The following UNC5D variants were observed in gnomAD, a reference collection of about 807,000 sequenced individuals.
The protein encoded by UNC5D is netrin receptor UNC5D.
In UNC5D, 39 loss-of-function variants were observed where a neutral mutation model predicts 105.4. The ratio of observed to expected loss-of-function variants is 0.37; its 90% confidence interval spans 0.29 to 0.48. The LOEUF is 0.48. Among genes scored for constraint, UNC5D ranks in the 20% least tolerant of loss-of-function variants. The pLI, the probability that UNC5D is intolerant of heterozygous loss-of-function variation, is 0.98. For synonymous variants in UNC5D, 452 were observed against 450.4 expected, an observed-to-expected ratio of 1.00 and a Z score of -0.04; for missense variants, 991 against 1,202.4, an observed-to-expected ratio of 0.82 and a Z score of 2.60.
At chr8:35,677,817 TAA>T (rs1825354653) in intron 4 of UNC5D, among the ~76,000 whole-genome samples, 1 of 152,034 alleles carries the variant, frequency 6.6e-6, no homozygotes, top group African/African-American at 2.4e-5. Context: ...TGTATATATG[TAA>T]AAAGTTATTT....
chr8:35,635,549 C>T (rs1311585190), intron 4 of UNC5D, among the ~76,000 whole-genome samples: 1 of 152,096 alleles, frequency 6.6e-6, no homozygotes, highest in African/African-American at 2.4e-5. Flanking sequence ...CATGATAATG[C>T]TCCTTCGTTG....
In UNC5D at chr8:35,629,851, G is replaced by A. The variant is rs183995693; in HGVS notation, c.570+34194G>A. Among the ~76,000 whole-genome samples, 11 of 152,230 alleles carry A rather than the reference G, an allele frequency of 7.2e-5. No individual in the cohort carries two copies. The East Asian group carries it at 1.2e-3, about 16-fold the overall frequency. ...TTAAATTATCCCCCCACCCCAGGTC[G>A]TAAAAGTATTGAGATCACTATAAAT... On this transcript the variant is annotated intron_variant, in intron 4 of 16. Transcript: ENST00000404895.
At chr8:35,690,797 A>G (rs950498801) in intron 7 of UNC5D, among the ~76,000 whole-genome samples, 2 of 152,234 alleles carry the variant, frequency 1.3e-5, no homozygotes, top group African/African-American at 4.8e-5. Context: ...TTTGATTAAA[A>G]TAGCATTTGG....
At chr8:35,783,969 T>C in intron 16 of UNC5D, among the ~76,000 whole-genome samples, 1 of 152,204 alleles carries the variant, frequency 6.6e-6, no homozygotes, top group Non-Finnish European at 1.5e-5. Context: ...AGATGTATTC[T>C]GAAAATTAAG....
intron 10 of UNC5D, among the ~76,000 whole-genome samples, chr8:35,729,162 T>A (rs1388472240): frequency 1.3e-5 from 2 of 152,204 alleles, no homozygotes; most frequent in Non-Finnish European, 2.9e-5. Flanking sequence ...GTATTCTGAA[T>A]AATGTTTCAA....
chr8:35,313,996 G>A (rs1191496497), intron 1 of UNC5D, among the ~76,000 whole-genome samples: 1 of 152,066 alleles, frequency 6.6e-6, no homozygotes, highest in Non-Finnish European at 1.5e-5. Context: ...TCAGGAGAAT[G>A]GAAATGTTGT....
At chr8:35,676,688 C>T (rs1305094691) in intron 4 of UNC5D, among the ~76,000 whole-genome samples, 3 of 152,142 alleles carry the variant, frequency 2.0e-5, no homozygotes, top group Non-Finnish European at 2.9e-5. Flanking sequence ...ATGTGCTTGC[C>T]AGTCATTTCC....
intron 4 of UNC5D, among the ~76,000 whole-genome samples, chr8:35,629,226 T>C (rs558200048): frequency 6.6e-6 from 1 of 152,310 alleles, no homozygotes; most frequent in South Asian, 2.1e-4. Context: ...AAATTGTTCA[T>C]AATATCCATC....
In UNC5D at chr8:35,539,464, T is replaced by C. The variant is rs181403593; in HGVS notation, c.104-9828T>C. ...TCTCAATAGATAATAACACAAAAGT[T>C]AGTTGTCAATTTAATATTTCATGTT... is the stretch of plus-strand genomic sequence containing the variant. On this transcript the variant is annotated intron_variant, in intron 1 of 16. Coordinates refer to ENST00000404895, the MANE Select transcript of UNC5D (RefSeq NM_080872.4). 4.4e-3 allele frequency among the ~76,000 whole-genome samples: 670 copies of C among 152,304 alleles called. 2 individuals are homozygous for C. The highest frequency in any genetic ancestry group is 7.4e-3 in the Non-Finnish European group (502 of 68,022).
intron 1 of UNC5D, among the ~76,000 whole-genome samples, chr8:35,467,160 C>T (rs548287962): frequency 5.3e-5 from 8 of 152,216 alleles, no homozygotes; most frequent in Admixed American, 4.6e-4. Context: ...AATTCGTACT[C>T]CCTCACAGTT....
chr8:35,589,832 C>CT (rs1819045207), intron 3 of UNC5D, among the ~76,000 whole-genome samples: 1 of 152,108 alleles, frequency 6.6e-6, no homozygotes, highest in African/African-American at 2.4e-5. Context: ...CATCAATATT[C>CT]TTTCCTTTTT....
In UNC5D at chr8:35,419,367, G is replaced by A. The variant is rs150509895; in HGVS notation, c.104-129925G>A. ...TGGCCAAGCAGGCTGCACTCAGCTCGCACTACCAGCCCAGATTCCGTGCCT... is the reference window on the plus strand; with the variant it reads ...TGGCCAAGCAGGCTGCACTCAGCTCACACTACCAGCCCAGATTCCGTGCCT... On this transcript the variant is annotated intron_variant, in intron 1 of 16. Transcript: ENST00000404895. Among the ~76,000 whole-genome samples, 146 of 152,262 alleles carry A rather than the reference G, an allele frequency of 9.6e-4. 2 individuals are homozygous for A. In the East Asian group the frequency reaches 0.02, roughly 20 times the overall value.
intron 1 of UNC5D, among the ~76,000 whole-genome samples, chr8:35,248,972 T>C (rs1178254627): frequency 1.1e-5 from 1 of 89,106 alleles, no homozygotes; most frequent in African/African-American, 4.7e-5. Context: ...ATATATATTA[T>C]ATATTTTTAT....
At chr8:35,331,652 T>C (rs1810641191) in intron 1 of UNC5D, among the ~76,000 whole-genome samples, 2 of 152,152 alleles carry the variant, frequency 1.3e-5, no homozygotes, top group Admixed American at 1.3e-4. Flanking sequence ...AGAAATCTTT[T>C]TAATGTTTCT....
intron 1 of UNC5D, among the ~76,000 whole-genome samples, chr8:35,393,369 G>A (rs904668794): frequency 4.3e-4 from 65 of 151,714 alleles, no homozygotes; most frequent in Non-Finnish European, 6.9e-4. Context: ...TCCTGACCTC[G>A]TGATCCGCCC....
At chr8:35,762,085 A>G (rs1454120752) in intron 14 of UNC5D, among the ~76,000 whole-genome samples, 1 of 152,156 alleles carries the variant, frequency 6.6e-6, no homozygotes, top group Non-Finnish European at 1.5e-5. Context: ...ACTTCAAATC[A>G]GGAATCTGGG....
In UNC5D at chr8:35,795,674, C is replaced by G. The variant is rs1803227254; in HGVS notation, c.*5111C>G. The G allele has an allele frequency of 6.6e-6, 1 of 152,158 alleles. No individual in the cohort carries two copies. Among genetic ancestry groups the G allele is most frequent in the Non-Finnish European group, 1.5e-5 (1 of 68,030 alleles). 9.4% of individuals were successfully genotyped at this position (152,158 alleles called of 1,614,324 possible). ...TCAGCAGAGGGTAACTGAAAACTTT[C>G]AATCAGAAACACTCTCCAAGGCTTA... On this transcript the variant is annotated 3_prime_UTR_variant, in exon 17 of 17. Coordinates refer to ENST00000404895, the MANE Select transcript of UNC5D (RefSeq NM_080872.4).
At chr8:35,491,879 T>C (rs146662407) in intron 1 of UNC5D, among the ~76,000 whole-genome samples, 106 of 152,304 alleles carry the variant, frequency 7.0e-4, no homozygotes, top group African/African-American at 2.5e-3. Flanking sequence ...TGCAATTAGC[T>C]TATGTGAGAA....
chr8:35,746,776 GGA>G (rs1027635117), intron 11 of UNC5D, among the ~76,000 whole-genome samples: 1 of 152,158 alleles, frequency 6.6e-6, no homozygotes, highest in African/African-American at 2.4e-5. Flanking sequence ...AGTTCTTTTA[GGA>G]GAGCTTGTCA....
Sources: allele counts gnomAD v4.1 joint callset (sites outside exome capture counted in the v4.1 genomes callset), GRCh38; gene constraint gnomAD v4.1.1; transcripts MANE v1.5; gene names NCBI Gene and HGNC (gene_info 2026-07-23, HGNC 2026-07-21).